SDK1: variants seen among roughly 807,000 people sequenced by gnomAD.
The protein encoded by SDK1 is sidekick cell adhesion molecule 1, also known as protein sidekick-1.
In SDK1, 157 loss-of-function variants were observed where a neutral mutation model predicts 245.5. The ratio of observed to expected loss-of-function variants is 0.64; its 90% CI spans 0.56 to 0.73. The LOEUF (loss-of-function observed/expected upper bound fraction) is 0.73, where lower values mean the gene tolerates loss of function less well. Ranked by LOEUF, SDK1 falls within the 30% of genes least tolerant of loss-of-function variation. SDK1 has a pLI of 0.00. For missense variants in SDK1, 3,583 were observed against 3,002.3 expected (o/e 1.19, Z -4.52); for synonymous variants, 1,647 against 1,278.5 (o/e 1.29, Z -6.15).
At chr7:3,448,899 T>C (rs985242220) in intron 1 of SDK1, among the ~76,000 whole-genome samples, 3 of 152,208 alleles carry the variant, frequency 2.0e-5, no homozygotes, top group Non-Finnish European at 4.4e-5. Context: ...TTATTGTTTC[T>C]GGCTAAAATT....
chr7:3,378,520 G>A (rs1781407535), intron 1 of SDK1, among the ~76,000 whole-genome samples: 1 of 152,168 alleles, frequency 6.6e-6, no homozygotes, highest in Non-Finnish European at 1.5e-5. Context: ...ACATACACAT[G>A]AGGAAACCTT....
chr7:3,321,832 CTTT>C (rs1779821352), intron 1 of SDK1, among the ~76,000 whole-genome samples: 1 of 132,972 alleles, frequency 7.5e-6, no homozygotes, highest in African/African-American at 3.0e-5. Flanking sequence ...TTCCTTCCTC[CTTT>C]TCTCTCTCTC....
At chr7:4,216,939 C>T (rs1002447246) in intron 38 of SDK1, among the ~76,000 whole-genome samples, 6 of 152,148 alleles carry the variant, frequency 3.9e-5, no homozygotes, top group African/African-American at 1.2e-4. Context: ...CTCCTCGAAC[C>T]CCTGGGACAT....
At position 3,584,243 on chromosome 7, in the gene SDK1, C is replaced by T. The variant is rs780404877; in HGVS notation, c.299-34837C>T. Among the ~76,000 whole-genome samples the T allele has an allele frequency of 2.0e-5, 3 of 152,086 alleles. No homozygotes were observed. The East Asian group carries it at 5.8e-4, about 29-fold the overall frequency. ...GACTGTAGGAGGGGATATGTTGTGT[C>T]ATCTCCAAACGTATTTGACCATGAG... On this transcript the variant is annotated intron_variant, in intron 1 of 44. Transcript: ENST00000404826.
chr7:4,122,571 A>G (rs1784137536), intron 25 of SDK1, among the ~76,000 whole-genome samples: 1 of 152,196 alleles, frequency 6.6e-6, no homozygotes, highest in Non-Finnish European at 1.5e-5. Context: ...TTTGAAGTGC[A>G]GTTTAACAGG....
intron 5 of SDK1, among the ~76,000 whole-genome samples, chr7:3,939,999 C>T (rs1451827640): frequency 6.6e-6 from 1 of 152,270 alleles, no homozygotes; most frequent in Non-Finnish European, 1.5e-5. Context: ...AGGCAATGTT[C>T]AAGGCCAGGA....
At chr7:3,500,327 T>C (rs1782157167) in intron 1 of SDK1, among the ~76,000 whole-genome samples, 1 of 152,200 alleles carries the variant, frequency 6.6e-6, no homozygotes. Context: ...TCATCTGGTA[T>C]CTTAAAACGT....
chr7:3,591,125 CT>C (rs1285405481), intron 1 of SDK1, among the ~76,000 whole-genome samples: 4 of 152,118 alleles, frequency 2.6e-5, no homozygotes, highest in Non-Finnish European at 5.9e-5. Context: ...AACATTTTAA[CT>C]TTAAGGTTGT....
chr7:3,565,773 A>G (rs896392393), intron 1 of SDK1, among the ~76,000 whole-genome samples: 5 of 152,212 alleles, frequency 3.3e-5, no homozygotes, highest in Admixed American at 6.5e-5. Context: ...TGTAAATGCT[A>G]TGTTAAGTAG....
chr7:3,940,260 T>G (rs576584324), intron 5 of SDK1, among the ~76,000 whole-genome samples: 1 of 152,372 alleles, frequency 6.6e-6, no homozygotes, highest in Admixed American at 6.5e-5. Context: ...TGATTCAAGT[T>G]GGATATTTAG....
intron 1 of SDK1, among the ~76,000 whole-genome samples, chr7:3,561,389 C>T (rs1035466279): frequency 3.3e-5 from 5 of 152,184 alleles, no homozygotes; most frequent in Non-Finnish European, 5.9e-5. Context: ...GACACTGTCT[C>T]CTCTCTGGTC....
chr7:3,853,668 C>A (rs940913221), intron 5 of SDK1, among the ~76,000 whole-genome samples: 4 of 152,058 alleles, frequency 2.6e-5, no homozygotes, highest in Non-Finnish European at 5.9e-5. Flanking sequence ...AGTGAGCTTT[C>A]CTTTGAGCAT....
chr7:3,627,876 G>A (rs1178409380), intron 2 of SDK1, among the ~76,000 whole-genome samples: 1 of 152,108 alleles, frequency 6.6e-6, no homozygotes, highest in Non-Finnish European at 1.5e-5. Flanking sequence ...ATTTACATAT[G>A]ACTTTCTTGT....
chr7:3,518,138 A>T (rs1188628066), intron 1 of SDK1, among the ~76,000 whole-genome samples: 2 of 152,298 alleles, frequency 1.3e-5, no homozygotes, highest in Non-Finnish European at 2.9e-5. Flanking sequence ...CTTATATAGC[A>T]TACCCAGTTT....
At chr7:3,961,205 G>A (rs1023721650) in intron 8 of SDK1, among the ~76,000 whole-genome samples, 8 of 152,186 alleles carry the variant, frequency 5.3e-5, no homozygotes, top group African/African-American at 1.9e-4. Flanking sequence ...ATGCGAAGTG[G>A]TTATTCCTTA....
intron 2 of SDK1, among the ~76,000 whole-genome samples, chr7:3,637,363 C>T (rs1279751247): frequency 6.6e-6 from 1 of 152,202 alleles, no homozygotes; most frequent in Non-Finnish European, 1.5e-5. Context: ...TCCCAAATTG[C>T]TGGGATTACA....
chr7:4,184,324 G>T (rs1782759167), intron 35 of SDK1, among the ~76,000 whole-genome samples: 1 of 152,208 alleles, frequency 6.6e-6, no homozygotes, highest in Non-Finnish European at 1.5e-5. Context: ...TACTGCCTGT[G>T]TGACCACGGG....
rs575098278 is a variant in SDK1 at position 3,924,655 on chromosome 7, C to T, written c.848-26268C>T. Among the ~76,000 whole-genome samples the T allele has an allele frequency of 7.2e-5, 11 of 152,306 alleles. 1 individual carries two copies. Among genetic ancestry groups the T allele is most frequent in the African/African-American group, 2.2e-4 (9 of 41,568 alleles). ...AAACAGCCCTTTTTCCTCGGCCTCCCGGCACCTGCAGTCCGTCCGTAGCTT... is the reference window on the plus strand; with the variant it reads ...AAACAGCCCTTTTTCCTCGGCCTCCTGGCACCTGCAGTCCGTCCGTAGCTT... On this transcript the variant is annotated intron_variant, in intron 5 of 44. Coordinates refer to ENST00000404826, the MANE Select transcript of SDK1 (RefSeq NM_152744.4).
At chr7:3,751,337 T>A (rs954654330) in intron 4 of SDK1, among the ~76,000 whole-genome samples, 1 of 151,912 alleles carries the variant, frequency 6.6e-6, no homozygotes, top group Non-Finnish European at 1.5e-5. Context: ...AACCTTGAAG[T>A]CAGCACCTCC....
Sources: gnomAD v4.1 joint callset for allele counts (sites outside exome capture counted in the v4.1 genomes callset) on GRCh38, gnomAD v4.1.1 for gene constraint, MANE v1.5 for transcripts, NCBI Gene and HGNC (gene_info 2026-07-23, HGNC 2026-07-21) for gene names.